The following DZANK1 variants were observed in gnomAD, a reference collection of about 807,000 sequenced individuals.
DZANK1 encodes double zinc ribbon and ankyrin repeat-containing protein 1.
A neutral mutation model predicts 94.5 loss-of-function variants in DZANK1; 91 were observed. The observed-to-expected ratio is 0.96, with a 90% CI of 0.81 to 1.15. The LOEUF (loss-of-function observed/expected upper bound fraction) is 1.15. Among genes scored for constraint, DZANK1 ranks in the 50% most tolerant of loss-of-function variants. DZANK1 has a pLI of 0.00. For synonymous variants in DZANK1, 312 were observed against 325.3 expected (o/e 0.96, Z 0.44); for missense variants, 903 against 916.4 (o/e 0.99, Z 0.19).
At chr20:18,399,426 C>T (rs1456934682) in intron 13 of DZANK1, among the ~76,000 whole-genome samples, 1 of 152,050 alleles carries the variant, frequency 6.6e-6, no homozygotes, top group Non-Finnish European at 1.5e-5. Context: ...GATGGAGTTT[C>T]ACCATGCTAC....
intron 2 of DZANK1, among the ~76,000 whole-genome samples, chr20:18,462,346 T>A (rs764862560): frequency 1.9e-4 from 29 of 152,064 alleles, no homozygotes; most frequent in Non-Finnish European, 2.4e-4. Context: ...GAAGCAGGGA[T>A]AAGTTCTGCT....
chr20:18,445,979 A>T (rs1301907582), intron 7 of DZANK1, among the ~76,000 whole-genome samples: 1 of 150,790 alleles, frequency 6.6e-6, no homozygotes, highest in East Asian at 2.0e-4. Context: ...TGGCCAGGCT[A>T]GTCTCAAACT....
At chr20:18,437,217 A>G (rs1240783443) in intron 8 of DZANK1, among the ~76,000 whole-genome samples, 1 of 152,198 alleles carries the variant, frequency 6.6e-6, no homozygotes, top group Non-Finnish European at 1.5e-5. Context: ...ACATATATAG[A>G]AGCAATATTT....
At chr20:18,393,907 G>T in intron 16 of DZANK1, 96 bp from the exon 17 acceptor site, 1 of 831,504 alleles carries the variant, frequency 1.2e-6, no homozygotes, top group Non-Finnish European at 1.9e-6. Context: ...AAAGTCAGAG[G>T]ATAAAATGGC....
Position 18,398,555 on chromosome 20 carries a change from G to A in DZANK1, c.1504C>T (p.Arg502Trp), listed in dbSNP as rs755349093. The A allele has an allele frequency of 1.6e-5, 26 of 1,613,842 alleles. No individual in the cohort carries two copies. Among genetic ancestry groups the A allele is most frequent in the South Asian group, 9.9e-5 (9 of 91,082 alleles). ...ATCCTGGGTTCTGCAATCAAGGCCCGGAATTCAGGGTTGTTCTGAGCATAA... is the reference window on the plus strand; with the variant it reads ...ATCCTGGGTTCTGCAATCAAGGCCCAGAATTCAGGGTTGTTCTGAGCATAA... The change falls in exon 14 of 21, where the codon CGG (arginine) becomes TGG (tryptophan). Residue 502 changes from arginine to tryptophan, a missense_variant. Arg to Trp is a moderately radical substitution (Grantham distance 101). Coordinates refer to ENST00000262547, the Ensembl canonical transcript of DZANK1.
At chr20:18,451,865 G>A in intron 6 of DZANK1, 2 of 518,550 alleles carry the variant, frequency 3.9e-6, no homozygotes, top group Non-Finnish European at 7.7e-6. Flanking sequence ...TGGAACAAAA[G>A]CCTCCTAAAT....
intron 8 of DZANK1, among the ~76,000 whole-genome samples, chr20:18,437,859 A>G (rs1028990566): frequency 2.0e-5 from 3 of 152,184 alleles, no homozygotes; most frequent in Non-Finnish European, 4.4e-5. Flanking sequence ...AGCTTAAGAT[A>G]ACTTTAAAAA....
rs2058363658 is a variant in DZANK1 at position 18,433,405 on chromosome 20, G to A, written c.861+247C>T. 5 of 420,760 alleles carry A rather than the reference G, an allele frequency of 1.2e-5. No individual in the cohort carries two copies. The East Asian group carries it at 2.6e-4, about 22-fold the overall frequency. The allele number at this position is 420,760 out of a possible 1,614,324, so 26.1% of individuals were successfully genotyped here. A position where few individuals can be genotyped will look rare whatever the true frequency, so the allele number is the denominator to read the frequency against. ...AAAAATATAAAAATTAGCCATGCGT[G>A]GTGGTGCACGCCTGTAGTTCCAGCT... On this transcript the variant is annotated intron_variant, in intron 9 of 20. Coordinates refer to ENST00000262547, the Ensembl canonical transcript of DZANK1.
At chr20:18,405,903 T>C (rs985396451) in intron 13 of DZANK1, among the ~76,000 whole-genome samples, 4 of 152,194 alleles carry the variant, frequency 2.6e-5, no homozygotes, top group African/African-American at 7.2e-5. Context: ...GCACAGTGAC[T>C]GGGGGACTGT....
chr20:18,438,151 G>A (rs1208857401), intron 8 of DZANK1, among the ~76,000 whole-genome samples: 13 of 145,738 alleles, frequency 8.9e-5, no homozygotes, highest in South Asian at 4.4e-4. Context: ...CCTGGGAGGC[G>A]GAGCTTGCAG....
intron 10 of DZANK1, among the ~76,000 whole-genome samples, chr20:18,426,172 G>C (rs533213845): frequency 6.6e-6 from 1 of 152,270 alleles, no homozygotes; most frequent in South Asian, 2.1e-4. Flanking sequence ...GGCAGCATTC[G>C]ATTCTCATAG....
intron 7 of DZANK1, among the ~76,000 whole-genome samples, chr20:18,448,294 C>T (rs963829903): frequency 6.6e-6 from 1 of 152,178 alleles, no homozygotes; most frequent in African/African-American, 2.4e-5. Flanking sequence ...TTAAAGAGCA[C>T]ACACTAAGTC....
At chr20:18,464,667 C>CTTT (rs1167738427) in intron 2 of DZANK1, among the ~76,000 whole-genome samples, 18 of 77,846 alleles carry the variant, frequency 2.3e-4, no homozygotes, top group Non-Finnish European at 3.6e-4. Context: ...AGCACCGGGA[C>CTTT]TTTTTTTTTT....
intron 6 of DZANK1, among the ~76,000 whole-genome samples, chr20:18,450,077 CAAATAAATAAAT>C (rs146221883): frequency 7.5e-4 from 112 of 149,076 alleles, no homozygotes; most frequent in Admixed American, 8.1e-4. Context: ...AACTCCGTCT[CAAATAAATAAAT>C]AAATAAATAA....
chr20:18,450,605 C>T (rs1166344991), intron 6 of DZANK1, among the ~76,000 whole-genome samples: 2 of 152,224 alleles, frequency 1.3e-5, no homozygotes, highest in Admixed American at 1.3e-4. Context: ...GATGTAGCAA[C>T]ACTGAGCCTT....
chr20:18,454,184 T>C, intron 4 of DZANK1: 1 of 374,460 alleles, frequency 2.7e-6, no homozygotes, highest in Non-Finnish European at 5.2e-6. Context: ...ATCAGACTTC[T>C]GCACACCACC....
chr20:18,448,305 A>G (rs1228609390), intron 7 of DZANK1, among the ~76,000 whole-genome samples: 1 of 152,240 alleles, frequency 6.6e-6, no homozygotes, highest in Non-Finnish European at 1.5e-5. Context: ...ACACTAAGTC[A>G]CTTCGTTGAC....
At chr20:18,432,052 T>C (rs181951407) in intron 9 of DZANK1, among the ~76,000 whole-genome samples, 1 of 152,294 alleles carries the variant, frequency 6.6e-6, no homozygotes, top group African/African-American at 2.4e-5. Flanking sequence ...ACTGTAGAAG[T>C]CCTGTGTTTA....
intron 19 of DZANK1, among the ~76,000 whole-genome samples, chr20:18,389,428 C>A (rs2048711307): frequency 1.3e-5 from 2 of 152,078 alleles, no homozygotes; most frequent in Admixed American, 6.5e-5. Flanking sequence ...ATTTACTGGC[C>A]CCACACAGTA....
Sources: gnomAD v4.1 joint callset for allele counts (sites outside exome capture counted in the v4.1 genomes callset) on GRCh38, gnomAD v4.1.1 for gene constraint, MANE v1.5 for transcripts, NCBI Gene and HGNC (gene_info 2026-07-23, HGNC 2026-07-21) for gene names.